The following LHFPL6 variants were observed in gnomAD, a reference collection of about 807,000 sequenced individuals.
LHFPL6 encodes the protein LHFPL tetraspan subfamily member 6 protein.
LHFPL6 carries 9 observed loss-of-function variants against 20.6 expected under a neutral mutation model. The ratio of observed to expected loss-of-function variants is 0.44; its 90% confidence interval spans 0.26 to 0.76. The LOEUF (loss-of-function observed/expected upper bound fraction) is 0.76, where lower values mean the gene tolerates loss of function less well. Among genes scored for constraint, LHFPL6 ranks in the 30% least tolerant of loss-of-function variants. The pLI is 0.20. For missense variants in LHFPL6, 218 were observed against 253.5 expected (o/e 0.86, Z 0.95); for synonymous variants, 105 against 98.7 (o/e 1.06, Z -0.38).
chr13:39,569,151 A>AT (rs1871826386), intron 2 of LHFPL6, among the ~76,000 whole-genome samples: 1 of 62,554 alleles, frequency 1.6e-5, no homozygotes, highest in African/African-American at 8.3e-5. Flanking sequence ...GGATGGATGG[A>AT]CGGACGGATG....
At chr13:39,480,990 A>C (rs1300348570) in intron 2 of LHFPL6, among the ~76,000 whole-genome samples, 2 of 152,218 alleles carry the variant, frequency 1.3e-5, no homozygotes, top group African/African-American at 4.8e-5. Context: ...TGCAAACTTA[A>C]TGTGTTATAT....
intron 2 of LHFPL6, among the ~76,000 whole-genome samples, chr13:39,462,786 T>C (rs933703447): frequency 6.6e-6 from 1 of 152,204 alleles, no homozygotes; most frequent in Non-Finnish European, 1.5e-5. Flanking sequence ...TCCTATGTTA[T>C]TGTGACCCTC....
At chr13:39,480,962 A>C (rs1868490021) in intron 2 of LHFPL6, among the ~76,000 whole-genome samples, 1 of 152,200 alleles carries the variant, frequency 6.6e-6, no homozygotes, top group African/African-American at 2.4e-5. Context: ...CAAGTTACTA[A>C]AATTATATTC....
intron 2 of LHFPL6, among the ~76,000 whole-genome samples, chr13:39,575,520 T>C (rs1294783449): frequency 6.6e-6 from 1 of 152,222 alleles, no homozygotes; most frequent in Non-Finnish European, 1.5e-5. Context: ...GACATCTCTA[T>C]GTTTCAAAAT....
chr13:39,462,592 A>C lies in LHFPL6; in HGVS notation c.386-84066T>G, dbSNP rs79516222. On this transcript the variant is annotated intron_variant, in intron 2 of 3. Transcript: ENST00000379589. ...AGTACACAAACCTGTATTAAGCAAC[A>C]AATAAATGCCACAGACCAGGCTATG... is the stretch of plus-strand genomic sequence containing the variant. Among the ~76,000 whole-genome samples, 588 of 152,304 alleles carry C rather than the reference A, an allele frequency of 3.9e-3. 1 individual carries two copies. The highest frequency in any genetic ancestry group is 5.1e-3 in the Non-Finnish European group (347 of 68,012).
At chr13:39,344,830 A>C (rs936200789) in intron 3 of LHFPL6, among the ~76,000 whole-genome samples, 31 of 152,258 alleles carry the variant, frequency 2.0e-4, no homozygotes, top group Non-Finnish European at 1.5e-5. Context: ...CATTTAAAGA[A>C]GTTGGTGACT....
intron 2 of LHFPL6, among the ~76,000 whole-genome samples, chr13:39,421,208 A>G (rs1185572315): frequency 6.6e-6 from 1 of 152,214 alleles, no homozygotes; most frequent in Non-Finnish European, 1.5e-5. Context: ...TTGAAAGTAA[A>G]ACTCCAAAAT....
intron 2 of LHFPL6, among the ~76,000 whole-genome samples, chr13:39,458,693 TAA>T (rs60626867): frequency 1.8e-4 from 18 of 97,570 alleles, no homozygotes; most frequent in Admixed American, 4.8e-4. Flanking sequence ...ATACCCTGCC[TAA>T]AAAAAAAAAA....
intron 2 of LHFPL6, among the ~76,000 whole-genome samples, chr13:39,507,208 T>C (rs139547061): frequency 5.8e-4 from 88 of 152,268 alleles, no homozygotes; most frequent in African/African-American, 2.0e-3. Context: ...TTCCTCTCCA[T>C]CACGGGTAGC....
intron 2 of LHFPL6, among the ~76,000 whole-genome samples, chr13:39,468,834 T>A (rs1257131630): frequency 6.6e-6 from 1 of 151,894 alleles, no homozygotes; most frequent in Non-Finnish European, 1.5e-5. Flanking sequence ...AAGGTTATGG[T>A]CAGCATCCTC....
chr13:39,379,493 C>T (rs1456018844), intron 2 of LHFPL6, among the ~76,000 whole-genome samples: 2 of 152,092 alleles, frequency 1.3e-5, no homozygotes, highest in Non-Finnish European at 2.9e-5. Flanking sequence ...ATAGGAAAAT[C>T]CATTAATATG....
chr13:39,394,855 T>G (rs1870804452), intron 2 of LHFPL6, among the ~76,000 whole-genome samples: 1 of 152,132 alleles, frequency 6.6e-6, no homozygotes, highest in Non-Finnish European at 1.5e-5. Flanking sequence ...AATGAAATCT[T>G]TTGTTGCTCG....
chr13:39,565,338 T>TTA (rs1871677199), intron 2 of LHFPL6, among the ~76,000 whole-genome samples: 5 of 152,080 alleles, frequency 3.3e-5, no homozygotes, highest in Admixed American at 1.3e-4. Flanking sequence ...AAAGGTTTTT[T>TTA]AAATTTCATT....
At chr13:39,409,785 G>C (rs746401823) in intron 2 of LHFPL6, among the ~76,000 whole-genome samples, 1 of 152,280 alleles carries the variant, frequency 6.6e-6, no homozygotes, top group African/African-American at 2.4e-5. Context: ...TGTGAGACAG[G>C]AAAGGAAAGG....
At chr13:39,507,114 T>C (rs1293251111) in intron 2 of LHFPL6, among the ~76,000 whole-genome samples, 5 of 152,218 alleles carry the variant, frequency 3.3e-5, no homozygotes, top group African/African-American at 9.6e-5. Context: ...ACTGGGAAAA[T>C]GCAAGGTATG....
At chr13:39,415,427 G>T (rs895233962) in intron 2 of LHFPL6, among the ~76,000 whole-genome samples, 2 of 151,540 alleles carry the variant, frequency 1.3e-5, no homozygotes, top group African/African-American at 2.4e-5. Flanking sequence ...ACATGTGGAA[G>T]AACTCAGGTC....
At chr13:39,490,677 A>G (rs1484133767) in intron 2 of LHFPL6, among the ~76,000 whole-genome samples, 8 of 152,220 alleles carry the variant, frequency 5.3e-5, no homozygotes, top group Non-Finnish European at 1.0e-4. Flanking sequence ...GTAACACCAC[A>G]ATTAGAACAA....
intron 3 of LHFPL6, among the ~76,000 whole-genome samples, chr13:39,349,686 A>T (rs183189678): frequency 6.6e-6 from 1 of 152,252 alleles, no homozygotes; most frequent in African/African-American, 2.4e-5. Context: ...AAGGCAGCAT[A>T]TTGCAAGTGA....
intron 2 of LHFPL6, among the ~76,000 whole-genome samples, chr13:39,433,989 T>C (rs1392342661): frequency 2.0e-5 from 3 of 152,150 alleles, no homozygotes; most frequent in Admixed American, 2.0e-4. Flanking sequence ...TGACCCTCTT[T>C]CTGTTTTGAT....
Sources: gnomAD v4.1 joint callset for allele counts (sites outside exome capture counted in the v4.1 genomes callset) on GRCh38, gnomAD v4.1.1 for gene constraint, MANE v1.5 for transcripts, NCBI Gene and HGNC (gene_info 2026-07-23, HGNC 2026-07-21) for gene names.